CDH8: variants seen among roughly 807,000 people sequenced by gnomAD.
The protein encoded by CDH8 is cadherin-8.
A neutral mutation model predicts 68.1 loss-of-function variants in CDH8; 17 were observed. The ratio of observed to expected loss-of-function variants is 0.25; its 90% CI spans 0.17 to 0.37. The LOEUF is 0.37. Among genes scored for constraint, CDH8 ranks in the 10% least tolerant of loss-of-function variants. CDH8 has a pLI of 1.00. For missense variants in CDH8, 763 were observed against 999.3 expected, an observed-to-expected ratio of 0.76 and a Z score of 3.19; for synonymous variants, 372 against 365.1, an observed-to-expected ratio of 1.02 and a Z score of -0.21.
chr16:61,775,967 C>G (rs1233775362), intron 8 of CDH8, among the ~76,000 whole-genome samples: 2 of 152,060 alleles, frequency 1.3e-5, no homozygotes, highest in African/African-American at 4.8e-5. Context: ...ATGACTATTT[C>G]AGCCCTCTTT....
At chr16:62,010,345 C>G (rs1375528697) in intron 2 of CDH8, among the ~76,000 whole-genome samples, 1 of 152,160 alleles carries the variant, frequency 6.6e-6, no homozygotes, top group African/African-American at 2.4e-5. Flanking sequence ...ACACTGTGCA[C>G]CTACCACATA....
At chr16:61,866,944 T>C (rs1963266589) in intron 3 of CDH8, among the ~76,000 whole-genome samples, 1 of 152,174 alleles carries the variant, frequency 6.6e-6, no homozygotes, top group Admixed American at 6.5e-5. Context: ...TTCGTTTTTT[T>C]TGTCCCTCTA....
chr16:61,885,682 G>A (rs1477052059), intron 3 of CDH8, among the ~76,000 whole-genome samples: 1 of 142,812 alleles, frequency 7.0e-6, no homozygotes, highest in Non-Finnish European at 1.5e-5. Context: ...GGTAACAGCA[G>A]CTCTAATAAT....
At chr16:61,688,685 C>G (rs530060913) in intron 10 of CDH8, among the ~76,000 whole-genome samples, 29 of 152,036 alleles carry the variant, frequency 1.9e-4, no homozygotes, top group African/African-American at 7.0e-4. Context: ...CCCTGCCATT[C>G]TATCCTCAGG....
chr16:61,781,075 CT>C (rs1000611561), intron 8 of CDH8, among the ~76,000 whole-genome samples: 5 of 152,220 alleles, frequency 3.3e-5, no homozygotes, highest in African/African-American at 1.2e-4. Context: ...GCATGAACAT[CT>C]TCCCTGACTG....
intron 10 of CDH8, among the ~76,000 whole-genome samples, chr16:61,701,872 G>A (rs940115452): frequency 2.0e-5 from 3 of 152,298 alleles, no homozygotes; most frequent in Non-Finnish European, 2.9e-5. Context: ...ATATTTCAAT[G>A]TTTTAACTAA....
intron 2 of CDH8, among the ~76,000 whole-genome samples, chr16:61,991,249 T>TCA (rs1377098615): frequency 6.6e-6 from 1 of 152,156 alleles, no homozygotes; most frequent in African/African-American, 2.4e-5. Context: ...GGAAGGAAAC[T>TCA]CACATCTATT....
At chr16:61,807,903 C>A (rs1961833828) in intron 7 of CDH8, among the ~76,000 whole-genome samples, 1 of 152,102 alleles carries the variant, frequency 6.6e-6, no homozygotes, top group African/African-American at 2.4e-5. Flanking sequence ...GGTGGCAATC[C>A]CTAACAAATG....
intron 8 of CDH8, among the ~76,000 whole-genome samples, chr16:61,733,519 T>A (rs1209490606): frequency 6.6e-6 from 1 of 151,948 alleles, no homozygotes; most frequent in Non-Finnish European, 1.5e-5. Flanking sequence ...TATTTGTGTT[T>A]TAAAGGAAAC....
intron 3 of CDH8, among the ~76,000 whole-genome samples, chr16:61,890,725 T>C (rs1963760697): frequency 6.6e-6 from 1 of 152,166 alleles, no homozygotes; most frequent in African/African-American, 2.4e-5. Flanking sequence ...CCTTGTGAAA[T>C]CAAGTGATGT....
intron 2 of CDH8, among the ~76,000 whole-genome samples, chr16:61,943,015 C>T (rs1288074620): frequency 1.3e-5 from 2 of 152,150 alleles, no homozygotes; most frequent in Non-Finnish European, 2.9e-5. Flanking sequence ...AGCTGAGATG[C>T]TGCCACTGCA....
At chr16:61,801,816 C>T (rs1288201186) in intron 7 of CDH8, among the ~76,000 whole-genome samples, 10 of 152,220 alleles carry the variant, frequency 6.6e-5, no homozygotes, top group African/African-American at 1.4e-4. Context: ...GAGGGCCCTA[C>T]GCCCACGGAG....
At chr16:61,855,589 T>C (rs1414235944) in intron 4 of CDH8, among the ~76,000 whole-genome samples, 2 of 152,134 alleles carry the variant, frequency 1.3e-5, no homozygotes, top group Non-Finnish European at 2.9e-5. Context: ...AATGTCTATT[T>C]TGCAGTGGCA....
At chr16:61,967,706 C>G (rs969062925) in intron 2 of CDH8, among the ~76,000 whole-genome samples, 9 of 152,158 alleles carry the variant, frequency 5.9e-5, no homozygotes, top group African/African-American at 2.2e-4. Flanking sequence ...TGTCCTCTCT[C>G]AAAGTTTCAG....
chr16:61,768,366 CTCCCTT>C lies in CDH8; in HGVS notation c.1414+20974_1414+20979del, dbSNP rs1960673634. On this transcript the variant is annotated intron_variant, in intron 8 of 11. Transcript: ENST00000577390. ...TCTCTCTCTCTCTCTCTCTCTCTCTCTCCCTTTCTCTCTCTCTCTCTCTCTCTCCCT... is the reference window on the plus strand; with the variant it reads ...TCTCTCTCTCTCTCTCTCTCTCTCTCTCTCTCTCTCTCTCTCTCTCTCCCT... Among the ~76,000 whole-genome samples, 19 of 96,250 alleles carry C rather than the reference CTCCCTT, an allele frequency of 2.0e-4. 1 individual carries two copies. The highest frequency in any genetic ancestry group is 3.2e-4 in the East Asian group (1 of 3,112). 63.1% of individuals were successfully genotyped at this position (96,250 alleles called of 152,430 possible).
At chr16:61,814,741 G>T (rs2142999680) in intron 7 of CDH8, among the ~76,000 whole-genome samples, 1 of 152,236 alleles carries the variant, frequency 6.6e-6, no homozygotes, top group African/African-American at 2.4e-5. Context: ...GTCTAAAAAG[G>T]TTAAATGGCT....
At chr16:61,740,153 G>T (rs140663152) in intron 8 of CDH8, among the ~76,000 whole-genome samples, 1 of 151,440 alleles carries the variant, frequency 6.6e-6, no homozygotes, top group Admixed American at 6.6e-5. Flanking sequence ...TGGTCTGCCC[G>T]CCTTGGCCTC....
intron 8 of CDH8, among the ~76,000 whole-genome samples, chr16:61,762,304 AT>A (rs1316222129): frequency 1.3e-5 from 2 of 152,226 alleles, no homozygotes; most frequent in Non-Finnish European, 2.9e-5. Flanking sequence ...ATTGTACTAT[AT>A]AGTTTTGTAA....
intron 8 of CDH8, among the ~76,000 whole-genome samples, chr16:61,759,647 T>C (rs1184597918): frequency 3.9e-5 from 6 of 152,160 alleles, no homozygotes; most frequent in Non-Finnish European, 7.3e-5. Flanking sequence ...TGAGTAATGC[T>C]GTCTACAGAA....
Sources: allele counts gnomAD v4.1 joint callset (sites outside exome capture counted in the v4.1 genomes callset), GRCh38; gene constraint gnomAD v4.1.1; transcripts MANE v1.5; gene names NCBI Gene and HGNC (gene_info 2026-07-23, HGNC 2026-07-21).